Variants in NCK2 observed in about 807,000 individuals in gnomAD.
NCK2 encodes NCK adaptor protein 2.
NCK2 carries 16 observed loss-of-function variants against 33.9 expected under a neutral mutation model. The ratio of observed to expected loss-of-function variants is 0.47; its 90% CI spans 0.32 to 0.72. The LOEUF (loss-of-function observed/expected upper bound fraction) is 0.72, where lower values mean the gene tolerates loss of function less well. NCK2 is among the 30% of genes least tolerant of loss of function. The pLI is 0.03. For synonymous variants in NCK2, 273 were observed against 239.9 expected, an observed-to-expected ratio of 1.14 and a Z score of -1.27; for missense variants, 418 against 537.3, an observed-to-expected ratio of 0.78 and a Z score of 2.19.
At chr2:105,859,479 C>A (rs6726298) in intron 3 of NCK2, among the ~76,000 whole-genome samples, 1 of 152,138 alleles carries the variant, frequency 6.6e-6, no homozygotes, top group Admixed American at 6.5e-5. Context: ...CTAGGCCTAG[C>A]GTGGTTAGAA....
intron 1 of NCK2, among the ~76,000 whole-genome samples, chr2:105,771,457 T>C (rs1417722764): frequency 1.3e-5 from 2 of 151,932 alleles, no homozygotes; most frequent in Non-Finnish European, 2.9e-5. Context: ...TCCCAGCTAC[T>C]TGGGAGGCTG....
At chr2:105,879,677 C>CA (rs1553462787) in intron 3 of NCK2, among the ~76,000 whole-genome samples, 1 of 152,244 alleles carries the variant, frequency 6.6e-6, no homozygotes, top group Non-Finnish European at 1.5e-5. Flanking sequence ...GCCGCGTGGG[C>CA]ACATGTCCCA....
chr2:105,761,328 G>T (rs1490267478), intron 1 of NCK2, among the ~76,000 whole-genome samples: 1 of 151,984 alleles, frequency 6.6e-6, no homozygotes, highest in Non-Finnish European at 1.5e-5. Flanking sequence ...TTTTTGGGAG[G>T]GAGAAGAGTG....
chr2:105,843,940 A>T (rs1413205943), intron 2 of NCK2, among the ~76,000 whole-genome samples: 2 of 152,174 alleles, frequency 1.3e-5, no homozygotes, highest in African/African-American at 4.8e-5. Context: ...CCTGACAAAC[A>T]CCGCCTCAGC....
chr2:105,811,624 G>A (rs1263933469), intron 1 of NCK2, among the ~76,000 whole-genome samples: 6 of 152,182 alleles, frequency 3.9e-5, no homozygotes, highest in Non-Finnish European at 5.9e-5. Context: ...TGAGTTTTGG[G>A]TTGCATGAAG....
At chr2:105,747,659 C>G (rs1689330463) in intron 1 of NCK2, among the ~76,000 whole-genome samples, 1 of 152,224 alleles carries the variant, frequency 6.6e-6, no homozygotes, top group South Asian at 2.1e-4. Context: ...GAACTGGAAA[C>G]TCCCTACAGC....
In NCK2 at chr2:105,881,535, G is replaced by A. The variant is rs1225120822; in HGVS notation, c.434G>A (p.Ser145Asn). Residue 145 changes from serine to asparagine, a missense_variant, in exon 4 of 5, where the codon AGC becomes AAC. Coordinates refer to ENST00000233154, the MANE Select transcript of NCK2 (RefSeq NM_003581.5). ...GSRVTVMEKC[S>N]DGWWRGSYNG... ...CGCGTCACCGTCATGGAGAAGTGCA[G>A]CGACGGTTGGTGGCGGGGCAGCTAC... The A allele has an allele frequency of 6.2e-7, 1 of 1,613,936 alleles. No individual in the cohort carries two copies. The highest frequency in any genetic ancestry group is 8.5e-7 in the Non-Finnish European group (1 of 1,180,044).
intron 3 of NCK2, among the ~76,000 whole-genome samples, chr2:105,863,898 T>C (rs1197781447): frequency 6.6e-6 from 1 of 152,026 alleles, no homozygotes; most frequent in Non-Finnish European, 1.5e-5. Context: ...TGACTGCTTG[T>C]CTCATAAAGT....
chr2:105,800,180 C>G (rs1348831897), intron 1 of NCK2, among the ~76,000 whole-genome samples: 2 of 152,200 alleles, frequency 1.3e-5, no homozygotes, highest in Admixed American at 1.3e-4. Flanking sequence ...TCCCTGGTCT[C>G]CGGCACGGGG....
At chr2:105,819,192 A>G (rs1476321961) in intron 2 of NCK2, among the ~76,000 whole-genome samples, 2 of 152,054 alleles carry the variant, frequency 1.3e-5, no homozygotes, top group African/African-American at 4.8e-5. Context: ...CCCCTCATGC[A>G]TTCATAGGGC....
rs996160448 is a variant in NCK2, at chr2:105,856,177, C to T, written c.226+888C>T. On this transcript the variant is annotated intron_variant, in intron 3 of 4. Transcript: ENST00000233154. Reference sequence around the variant, plus strand: ...TTCCCAGGTGTTGTCAGGTTATGGGCAGTGCCCTCCTGGAGTTACACAAAG... The same window carrying T: ...TTCCCAGGTGTTGTCAGGTTATGGGTAGTGCCCTCCTGGAGTTACACAAAG... Among the ~76,000 whole-genome samples the T allele has an allele frequency of 8.5e-5, 13 of 152,340 alleles. No individual in the cohort carries two copies. The South Asian group carries it at 2.7e-3, about 32-fold the overall frequency.
intron 2 of NCK2, among the ~76,000 whole-genome samples, chr2:105,840,958 T>C (rs1174507876): frequency 1.3e-5 from 2 of 152,190 alleles, no homozygotes; most frequent in Non-Finnish European, 2.9e-5. Flanking sequence ...GTAAATCCTT[T>C]CCTGGCTTCC....
rs948647275 is a variant in NCK2, at chr2:105,882,187, A to C, written c.948+138A>C. The C allele has an allele frequency of 2.9e-6, 3 of 1,038,062 alleles. No homozygotes were observed. In the African/African-American group the frequency reaches 5.0e-5, roughly 17 times the overall value. The allele number at this position is 1,038,062 out of a possible 1,614,324, so 64.3% of individuals were successfully genotyped here. A position where few individuals can be genotyped will look rare whatever the true frequency, so the allele number is the denominator to read the frequency against. ...ACGCAGATGAATGCAATTTAGTATAATGTTTGCTACTCCGTGATTTACTTG... is the reference window on the plus strand; with the variant it reads ...ACGCAGATGAATGCAATTTAGTATACTGTTTGCTACTCCGTGATTTACTTG... On this transcript the variant is annotated intron_variant, in intron 4 of 4. Transcript: ENST00000233154.
chr2:105,781,881 G>A (rs1309458445), intron 1 of NCK2, among the ~76,000 whole-genome samples: 1 of 152,188 alleles, frequency 6.6e-6, no homozygotes. Flanking sequence ...ACTGGTATAC[G>A]TGCATATGTA....
chr2:105,851,133 G>T (rs2104573324), intron 2 of NCK2, among the ~76,000 whole-genome samples: 1 of 152,330 alleles, frequency 6.6e-6, no homozygotes, highest in East Asian at 1.9e-4. Context: ...GCCCAGCCCG[G>T]CTGTGTAAAT....
intron 1 of NCK2, among the ~76,000 whole-genome samples, chr2:105,753,537 T>C (rs1689519313): frequency 6.6e-6 from 1 of 152,182 alleles, no homozygotes; most frequent in Non-Finnish European, 1.5e-5. Context: ...GCAGGTGCCA[T>C]TGTAAATGCC....
At position 105,882,035 on chromosome 2, in the gene NCK2, G is replaced by A. The variant is rs368417738; in HGVS notation, c.934G>A (p.Asp312Asn). 1 of 1,500,298 alleles carries A rather than the reference G, an allele frequency of 6.7e-7. No homozygotes were observed. Among genetic ancestry groups the A allele is most frequent in the Non-Finnish European group, 8.9e-7 (1 of 1,124,234 alleles). The allele number at this position is 1,500,298 out of a possible 1,614,324, so 92.9% of individuals were successfully genotyped here. Residue 312 changes from aspartate to asparagine, a missense_variant, in exon 4 of 5, where the codon GAC becomes AAC. By Grantham distance (23) the Asp-to-Asn change is conservative. Transcript: ENST00000233154. ...CGTGGAGGGCGACTTCCTCATTAGG[G>A]ACAGCGAGTCCTCGGTAAGTGCGCT... ...RGVEGDFLIR[D>N]SESSPSDFSV...
chr2:105,744,878 C>CGCCGCCGCCGCCGCCGCCGCCGCT (rs1689213471), upstream of NCK2: 1 of 160,946 alleles, frequency 6.2e-6, no homozygotes, highest in African/African-American at 2.4e-5. Flanking sequence ...CCGCCGCCGC[C>CGCCGCCGCCGCCGCCGCCGCCGCT]GCCGCCGCCG....
chr2:105,842,109 C>T (rs112962756), intron 2 of NCK2, among the ~76,000 whole-genome samples: 1 of 151,376 alleles, frequency 6.6e-6, no homozygotes, highest in Non-Finnish European at 1.5e-5. Context: ...TTTTTTGAGC[C>T]GGAGTTTCTC....
Sources: allele counts gnomAD v4.1 joint callset (sites outside exome capture counted in the v4.1 genomes callset), GRCh38; gene constraint gnomAD v4.1.1; transcripts MANE v1.5; gene names NCBI Gene and HGNC (gene_info 2026-07-23, HGNC 2026-07-21).